The following DNMT1 variants were observed in gnomAD, a reference collection of about 807,000 sequenced individuals.
The protein encoded by DNMT1 is DNA methyltransferase 1.
A neutral mutation model predicts 205.3 loss-of-function variants in DNMT1; 24 were observed. The ratio of observed to expected loss-of-function variants is 0.12; its 90% CI spans 0.08 to 0.16. The LOEUF (loss-of-function observed/expected upper bound fraction) is 0.16, where lower values mean the gene tolerates loss of function less well. Ranked by LOEUF, DNMT1 falls within the 10% of genes least tolerant of loss-of-function variation. The pLI, the probability that DNMT1 is intolerant of heterozygous loss-of-function variation, is 1.00. For synonymous variants in DNMT1, 817 were observed against 839.8 expected (o/e 0.97, Z 0.47); for missense variants, 1,293 against 2,177.7 (o/e 0.59, Z 8.09).
chr19:10,169,674 G>T (rs2038772994), intron 9 of DNMT1, among the ~76,000 whole-genome samples: 1 of 152,182 alleles, frequency 6.6e-6, no homozygotes. Context: ...GCTGAGGCAG[G>T]AGAATGGCGT....
chr19:10,185,698 T>C (rs1215993848), intron 1 of DNMT1, among the ~76,000 whole-genome samples: 2 of 151,676 alleles, frequency 1.3e-5, no homozygotes, highest in African/African-American at 4.8e-5. Context: ...GTGTGGTTAG[T>C]GTGCACCTGT....
In DNMT1 at chr19:10,140,785, T is replaced by G. The variant is rs151305495; in HGVS notation, c.3519A>C (p.Gln1173His). Residue 1173 changes from glutamine (Q) to histidine (H), a missense_variant, in exon 32 of 41, where the codon CAA becomes CAC. Around this residue, in one of 13 missense-constraint regions of DNMT1, gnomAD observed 26 missense variants for 86.5 expected, o/e 0.30. Coordinates refer to ENST00000359526, the MANE Select transcript of DNMT1 (RefSeq NM_001130823.3). The surrounding 1 kb of genome is among the most constrained non-coding windows in gnomAD (Gnocchi z 8.4). Reference protein sequence around the residue: ...GCGGLSEGFHQAGISDTLWAI... With the variant: ...GCGGLSEGFHHAGISDTLWAI... ...ATGGAGCCTACGGGCGCTCACCTGC[T>G]TGGTGGAATCCCTCCGACAACCCCC... The G allele has an allele frequency of 5.5e-5, 89 of 1,613,954 alleles. No individual in the cohort carries two copies. Among genetic ancestry groups the G allele is most frequent in the Non-Finnish European group, 6.5e-5 (77 of 1,179,972 alleles).
chr19:10,157,991 G>A (rs2038492143), intron 17 of DNMT1, among the ~76,000 whole-genome samples: 1 of 152,246 alleles, frequency 6.6e-6, no homozygotes, highest in Non-Finnish European at 1.5e-5. Flanking sequence ...AGTATGGAGA[G>A]CCCCTAAATA....
At chr19:10,136,324 G>C in intron 37 of DNMT1, 37 bp from the exon 38 acceptor site, 1 of 1,611,602 alleles carries the variant, frequency 6.2e-7, no homozygotes, top group East Asian at 2.2e-5. Flanking sequence ...GCAGTTGTGG[G>C]ATGGGGTATA....
At chr19:10,153,497 T>C (rs562498780) in intron 22 of DNMT1, among the ~76,000 whole-genome samples, 1 of 151,432 alleles carries the variant, frequency 6.6e-6, no homozygotes, top group East Asian at 1.9e-4. Flanking sequence ...ATTAGCCGGG[T>C]ATGGTGGCGG....
At chr19:10,174,245 A>G (rs1431524730) in intron 7 of DNMT1, among the ~76,000 whole-genome samples, 4 of 151,972 alleles carry the variant, frequency 2.6e-5, no homozygotes, top group African/African-American at 9.7e-5. Context: ...AACATGGGAA[A>G]CCTCATCTCT....
chr19:10,142,468 G>C (rs1182852670), intron 29 of DNMT1, among the ~76,000 whole-genome samples: 2 of 149,860 alleles, frequency 1.3e-5, no homozygotes, highest in African/African-American at 4.9e-5. Flanking sequence ...CCCCTAGTTA[G>C]GGAACCACAG....
rs927151748 is a variant in DNMT1, at chr19:10,194,643, G to A, written c.80+177C>T. The A allele has an allele frequency of 8.5e-6, 7 of 824,230 alleles. No individual in the cohort carries two copies. In the African/African-American group the frequency reaches 1.3e-4, roughly 15 times the overall value. 51.1% of individuals were successfully genotyped at this position (824,230 alleles called of 1,614,324 possible). The stretch of plus-strand genomic sequence containing the variant: ...GTCCATTTTGGCGCCAAACAGCCCG[G>A]GCACGCGCGACCGGAAGTGCCACCC... On this transcript the variant is annotated intron_variant, in intron 1 of 40. Coordinates refer to ENST00000359526, the MANE Select transcript of DNMT1 (RefSeq NM_001130823.3).
At chr19:10,170,228 T>C (rs4804124) in intron 9 of DNMT1, among the ~76,000 whole-genome samples, 19,982 of 151,716 alleles carry the variant, frequency 0.13, 1,896 homozygotes, top group East Asian at 0.4. Context: ...GAGGTTGTAG[T>C]GAGCTAAAAT....
chr19:10,135,682 A>T, intron 39 of DNMT1, 54 bp downstream of exon 39: 1 of 1,572,884 alleles, frequency 6.4e-7, no homozygotes, highest in East Asian at 2.3e-5. Context: ...CCACCTGGTG[A>T]CAGGCACAGA....
chr19:10,184,371 C>T (rs1210105040), intron 1 of DNMT1: 2 of 152,084 alleles, frequency 1.3e-5, no homozygotes, highest in Non-Finnish European at 2.9e-5. Context: ...GGCGCCTCCC[C>T]GAATAACTCA....
chr19:10,167,138 C>A (rs1269852896), intron 10 of DNMT1, among the ~76,000 whole-genome samples: 1 of 152,142 alleles, frequency 6.6e-6, no homozygotes, highest in African/African-American at 2.4e-5. Flanking sequence ...TTCTGCCCAC[C>A]TCTGGATTCA....
chr19:10,180,337 C>A lies in DNMT1; in HGVS notation c.445+13G>T. 6.2e-7 allele frequency: 1 copy of A among 1,608,556 alleles called. No homozygotes were observed. The highest frequency in any genetic ancestry group is 8.5e-7 in the Non-Finnish European group (1 of 1,179,948). On this transcript the variant is annotated intron_variant, in intron 4 of 40. Transcript: ENST00000359526. ...AAAAACAATTAAAAATAAAAGGAATCATCTGCTCTTACGCTTAGCCTCTCC... is the reference window on the plus strand; with the variant it reads ...AAAAACAATTAAAAATAAAAGGAATAATCTGCTCTTACGCTTAGCCTCTCC...
At chr19:10,173,781 C>T (rs190171531) in intron 8 of DNMT1, 90 bp downstream of exon 8, 232 of 1,446,310 alleles carry the variant, frequency 1.6e-4, no homozygotes, top group East Asian at 1.3e-3. Flanking sequence ...CATGAGTCAC[C>T]GTGCCCGGCC....
intron 5 of DNMT1, among the ~76,000 whole-genome samples, chr19:10,178,354 C>T (rs776367321): frequency 6.6e-6 from 1 of 151,190 alleles, no homozygotes; most frequent in African/African-American, 2.4e-5. Flanking sequence ...GTCAGGAGTT[C>T]GAGACCACCT....
intron 13 of DNMT1, among the ~76,000 whole-genome samples, chr19:10,161,702 G>A (rs573573466): frequency 2.6e-5 from 4 of 152,170 alleles, no homozygotes; most frequent in Non-Finnish European, 5.9e-5. Flanking sequence ...TATACAGACC[G>A]AGTCATGTCC....
chr19:10,138,185 C>A lies in DNMT1; in HGVS notation c.4116-176G>T, dbSNP rs1056996881. Among the ~76,000 whole-genome samples the A allele has an allele frequency of 6.6e-6, 1 of 152,238 alleles. No individual in the cohort carries two copies. Among genetic ancestry groups the A allele is most frequent in the East Asian group, 1.9e-4 (1 of 5,206 alleles). On this transcript the variant is annotated intron_variant, in intron 35 of 40. Transcript: ENST00000359526. This position sits in a 1 kb window ranked among gnomAD's most constrained non-coding sequence, Gnocchi z 4.1. ...TCTGGAAGGGGGGATGGGGCTATGG[C>A]GTGGGCTTTGTGGATGACCACAGCC...
In DNMT1 at chr19:10,159,857, C is replaced by T. The variant is rs903029967; in HGVS notation, c.1155G>A (p.Gln385=). ...YLDDPDLKYG[Q]HPPDAVDEPQ... ...CTGTACGTACCGCGTCTGGTGGGTG[C>T]TGCCCATATTTGAGGTCAGGGTCGT... is the stretch of plus-strand genomic sequence containing the variant. The change falls in exon 16 of 41, where the codon CAG becomes CAA. Residue 385 remains glutamine, a synonymous_variant. Transcript: ENST00000359526. The surrounding 1 kb of genome is among the most constrained non-coding windows in gnomAD (Gnocchi z 5.0). The T allele has an allele frequency of 1.2e-6, 2 of 1,614,228 alleles. No individual in the cohort carries two copies. Among genetic ancestry groups the T allele is most frequent in the Non-Finnish European group, 1.7e-6 (2 of 1,180,044 alleles).
At position 10,140,928 on chromosome 19, in the gene DNMT1, AG is replaced by A; in HGVS notation, c.3395-20del. ...CCCTTCCCTGGGGGAGAGAGGCCAGAGGCTAAACCCGATCCTCAGAGTCCAA... is the reference window on the plus strand; with the variant it reads ...CCCTTCCCTGGGGGAGAGAGGCCAGAGCTAAACCCGATCCTCAGAGTCCAA... On this transcript the variant is annotated intron_variant, in intron 31 of 40. Coordinates refer to ENST00000359526, the MANE Select transcript of DNMT1 (RefSeq NM_001130823.3). This position sits in a 1 kb window ranked among gnomAD's most constrained non-coding sequence, Gnocchi z 8.4. 1 of 1,613,826 alleles carries A rather than the reference AG, an allele frequency of 6.2e-7. No homozygotes were observed. The highest frequency in any genetic ancestry group is 8.5e-7 in the Non-Finnish European group (1 of 1,180,028).
Sources: gnomAD v4.1 joint callset for allele counts (sites outside exome capture counted in the v4.1 genomes callset) on GRCh38, gnomAD v4.1.1 for gene constraint, gnomAD v4.1.1 regional missense constraint, Gnocchi (gnomAD v3.1) non-coding constraint, MANE v1.5 for transcripts, NCBI Gene and HGNC (gene_info 2026-07-23, HGNC 2026-07-21) for gene names.